The following EYS variants were observed in gnomAD, a reference collection of about 807,000 sequenced individuals.
EYS encodes the protein EGF-like photoreceptor maintenance factor.
A neutral mutation model predicts 282.1 loss-of-function variants in EYS; 250 were observed. The ratio of observed to expected loss-of-function variants is 0.89; its 90% CI spans 0.80 to 0.98. The LOEUF is 0.98. EYS is among the 50% of genes least tolerant of loss of function. The probability of loss-of-function intolerance (pLI) is 0.00; values close to 1 mark genes in which losing one functional copy is unlikely to be tolerated. For synonymous variants in EYS, 1,355 were observed against 1,282.9 expected (o/e 1.06, Z -1.20); for missense variants, 4,016 against 3,709.0 (o/e 1.08, Z -2.15).
rs928485870 is a variant in EYS, at chr6:63,800,704, C to T, written c.7411+5486G>A. Among the ~76,000 whole-genome samples, 17 of 152,228 alleles carry T rather than the reference C, an allele frequency of 1.1e-4. 1 individual carries two copies. Among genetic ancestry groups the T allele is most frequent in the African/African-American group, 4.1e-4 (17 of 41,452 alleles). On this transcript the variant is annotated intron_variant, in intron 37 of 42. Coordinates refer to ENST00000503581, the MANE Select transcript of EYS (RefSeq NM_001142800.2). ...CCTGTAATCCCAGCTACTCAGAAGG[C>T]TGAGGCAGGAGAATCACTTGAACCT...
chr6:64,523,945 G>T lies in EYS; in HGVS notation c.5644+66278C>A, dbSNP rs141845469. Among the ~76,000 whole-genome samples, 381 of 151,694 alleles carry T rather than the reference G, an allele frequency of 2.5e-3. 1 individual carries two copies. The highest frequency in any genetic ancestry group is 8.3e-3 in the African/African-American group (345 of 41,450). ...AAGAGATTTTGATGATTGAATAATT[G>T]TTTGGTTATTTCTCCTTTTAGTATT... On this transcript the variant is annotated intron_variant, in intron 26 of 42. Coordinates refer to ENST00000503581, the MANE Select transcript of EYS (RefSeq NM_001142800.2).
At chr6:64,036,093 C>A (rs1327488287) in intron 33 of EYS, among the ~76,000 whole-genome samples, 2 of 152,140 alleles carry the variant, frequency 1.3e-5, no homozygotes, top group Non-Finnish European at 1.5e-5. Context: ...TCTTATACAG[C>A]AAATTTTGTT....
At chr6:64,260,950 C>T (rs1767566852) in intron 30 of EYS, among the ~76,000 whole-genome samples, 1 of 151,572 alleles carries the variant, frequency 6.6e-6, no homozygotes, top group Admixed American at 6.6e-5. Flanking sequence ...TGTTTTTATA[C>T]AAGTATACAA....
chr6:63,886,245 A>G (rs1316034324), intron 35 of EYS, among the ~76,000 whole-genome samples: 2 of 152,208 alleles, frequency 1.3e-5, no homozygotes, highest in East Asian at 3.8e-4. Flanking sequence ...ATTTCAAGGA[A>G]CATTGAATAT....
intron 30 of EYS, among the ~76,000 whole-genome samples, chr6:64,276,312 G>A (rs1426297826): frequency 6.6e-6 from 1 of 152,132 alleles, no homozygotes; most frequent in Non-Finnish European, 1.5e-5. Context: ...TTCTTCAAAA[G>A]TCATCCTTCC....
intron 30 of EYS, among the ~76,000 whole-genome samples, chr6:64,235,663 A>G (rs1766578409): frequency 6.6e-6 from 1 of 152,178 alleles, no homozygotes; most frequent in South Asian, 2.1e-4. Flanking sequence ...AGGAATCGCC[A>G]CACTGACTTC....
At chr6:65,551,108 C>A in intron 2 of EYS, among the ~76,000 whole-genome samples, 1 of 50,756 alleles carries the variant, frequency 2.0e-5, no homozygotes, top group Non-Finnish European at 3.1e-5. Context: ...ACCTAGGAAT[C>A]CAACTTACAA....
intron 5 of EYS, among the ~76,000 whole-genome samples, chr6:65,433,622 A>G (rs561826644): frequency 4.1e-4 from 63 of 152,108 alleles, no homozygotes; most frequent in Admixed American, 7.2e-4. Flanking sequence ...CAGCCTACAG[A>G]CTCTTAGGGA....
chr6:65,131,964 T>C (rs1413188948), intron 12 of EYS, among the ~76,000 whole-genome samples: 3 of 151,658 alleles, frequency 2.0e-5, no homozygotes, highest in African/African-American at 7.2e-5. Flanking sequence ...ACTGGAAAAC[T>C]TAGAAGAGAG....
At chr6:64,191,881 C>G (rs1043351592) in intron 31 of EYS, among the ~76,000 whole-genome samples, 18 of 150,846 alleles carry the variant, frequency 1.2e-4, no homozygotes, top group African/African-American at 4.2e-4. Context: ...ATTTCTAGTT[C>G]AAGATCCCTG....
intron 22 of EYS, among the ~76,000 whole-genome samples, chr6:64,716,531 T>C (rs1366914784): frequency 6.6e-6 from 1 of 152,202 alleles, no homozygotes; most frequent in Non-Finnish European, 1.5e-5. Flanking sequence ...ATTTCACCAA[T>C]TTGTCTACTT....
intron 31 of EYS, among the ~76,000 whole-genome samples, chr6:64,216,120 C>T (rs1765918882): frequency 6.6e-6 from 1 of 152,032 alleles, no homozygotes; most frequent in South Asian, 2.1e-4. Flanking sequence ...GGACACATGT[C>T]AGATAAATAA....
intron 24 of EYS, among the ~76,000 whole-genome samples, chr6:64,605,949 A>C (rs1361224106): frequency 6.6e-6 from 1 of 151,998 alleles, no homozygotes; most frequent in Non-Finnish European, 1.5e-5. Context: ...GCTCATAAGA[A>C]AAGACATTTA....
intron 26 of EYS, among the ~76,000 whole-genome samples, chr6:64,487,702 G>A (rs1562021521): frequency 6.6e-6 from 1 of 150,938 alleles, no homozygotes; most frequent in East Asian, 1.9e-4. Context: ...TTTCTAGTGA[G>A]TATTTACATA....
chr6:64,313,158 C>T (rs1206793466), intron 29 of EYS, among the ~76,000 whole-genome samples: 1 of 152,186 alleles, frequency 6.6e-6, no homozygotes, highest in Non-Finnish European at 1.5e-5. Context: ...GAATTGCTAA[C>T]TAGAATAACC....
intron 5 of EYS, among the ~76,000 whole-genome samples, chr6:65,473,735 T>C: frequency 6.6e-6 from 1 of 151,568 alleles, no homozygotes; most frequent in African/African-American, 2.4e-5. Context: ...GATTAATAAA[T>C]AGTAGATATG....
At chr6:64,258,302 G>A (rs774283409) in intron 30 of EYS, among the ~76,000 whole-genome samples, 10 of 152,162 alleles carry the variant, frequency 6.6e-5, no homozygotes, top group Non-Finnish European at 1.2e-4. Flanking sequence ...TAAACCTCCT[G>A]CAGTAGCAAA....
intron 5 of EYS, among the ~76,000 whole-genome samples, chr6:65,441,765 A>T (rs545024014): frequency 6.6e-6 from 1 of 152,164 alleles, no homozygotes; most frequent in South Asian, 2.1e-4. Flanking sequence ...ATATATATCT[A>T]CTTCAAATTC....
At chr6:65,166,620 G>A (rs978864482) in intron 12 of EYS, among the ~76,000 whole-genome samples, 8 of 151,138 alleles carry the variant, frequency 5.3e-5, no homozygotes, top group Non-Finnish European at 7.4e-5. Flanking sequence ...AAAACTTTTA[G>A]AAGCAAATCT....
Sources: allele counts gnomAD v4.1 joint callset (sites outside exome capture counted in the v4.1 genomes callset), GRCh38; gene constraint gnomAD v4.1.1; transcripts MANE v1.5; gene names NCBI Gene and HGNC (gene_info 2026-07-23, HGNC 2026-07-21).